DNAJC13: variants seen among roughly 807,000 people sequenced by gnomAD.
The protein encoded by DNAJC13 is DnaJ heat shock protein family (Hsp40) member C13, also known as dnaJ homolog subfamily C member 13.
DNAJC13 carries 75 observed loss-of-function variants against 290.5 expected under a neutral mutation model. The ratio of observed to expected loss-of-function variants is 0.26; its 90% CI spans 0.21 to 0.31. DNAJC13 has a LOEUF of 0.31. Ranked by LOEUF, DNAJC13 falls within the 10% of genes least tolerant of loss-of-function variation. The pLI is 1.00. For missense variants in DNAJC13, 2,260 were observed against 2,674.5 expected (o/e 0.85, Z 3.42); for synonymous variants, 862 against 892.0 (o/e 0.97, Z 0.60).
Position 132,484,622 on chromosome 3 carries a change from A to G in DNAJC13, c.3217A>G (p.Lys1073Glu), listed in dbSNP as rs534723073. The change falls in exon 29 of 56, where the codon AAA becomes GAA. Residue 1073 changes from lysine to glutamate, a missense_variant. Lys to Glu is a moderately conservative substitution (Grantham distance 56). Around this residue, in one of 3 missense-constraint regions of DNAJC13, gnomAD observed 1,494 missense variants for 1,693.7 expected, o/e 0.88. Transcript: ENST00000260818. ...CAATGCCATCATTCGGCCTCTACCC[A>G]AAGTGAAAAGACTGCTGTCAGATAG... ...QDNAIIRPLPKVKRLLSDSTC... is the reference protein window; with the variant it reads ...QDNAIIRPLPEVKRLLSDSTC... 8.1e-6 allele frequency: 13 copies of G among 1,614,060 alleles called. No individual in the cohort carries two copies. Among genetic ancestry groups the G allele is most frequent in the Non-Finnish European group, 1.1e-5 (13 of 1,180,012 alleles).
rs1483087876 is a variant in DNAJC13, at chr3:132,417,578, G to A, written c.-196G>A. On this transcript the variant is annotated 5_prime_UTR_variant, in exon 1 of 56. Transcript: ENST00000260818. ...CTCTGAGAGGCAGAGGGAGGAGGCGGAGGGGGCGGGGAGGCAGCGCCGCGG... is the reference window on the plus strand; with the variant it reads ...CTCTGAGAGGCAGAGGGAGGAGGCGAAGGGGGCGGGGAGGCAGCGCCGCGG... 6.6e-6 allele frequency: 1 copy of A among 152,250 alleles called. No homozygotes were observed. Among genetic ancestry groups the A allele is most frequent in the East Asian group, 1.9e-4 (1 of 5,182 alleles). The allele number at this position is 152,250 out of a possible 1,614,324, so 9.4% of individuals were successfully genotyped here.
intron 43 of DNAJC13, among the ~76,000 whole-genome samples, chr3:132,510,554 G>A (rs1367531213): frequency 6.6e-6 from 1 of 152,072 alleles, no homozygotes; most frequent in Non-Finnish European, 1.5e-5. Context: ...TTTGGTGGTT[G>A]ATTTGTTTGT....
At chr3:132,482,013 A>G (rs1368740983) in intron 26 of DNAJC13, among the ~76,000 whole-genome samples, 1 of 152,194 alleles carries the variant, frequency 6.6e-6, no homozygotes, top group African/African-American at 2.4e-5. Context: ...TTTACTTCAA[A>G]TGTATATTAA....
Position 132,466,078 on chromosome 3 carries a change from A to C in DNAJC13, c.1968+8A>C. The C allele has an allele frequency of 1.9e-6, 3 of 1,611,640 alleles. No individual in the cohort carries two copies. The highest frequency in any genetic ancestry group is 2.5e-6 in the Non-Finnish European group (3 of 1,177,796). ...TTGTTGAAACGCATTTTGGTAAGTCAGTTGAGAAATTAGGTTATATACTGC... is the reference window on the plus strand; with the variant it reads ...TTGTTGAAACGCATTTTGGTAAGTCCGTTGAGAAATTAGGTTATATACTGC... On this transcript the variant is annotated splice_region_variant and intron_variant, in intron 18 of 55. Coordinates refer to ENST00000260818, the MANE Select transcript of DNAJC13 (RefSeq NM_015268.4).
intron 53 of DNAJC13, among the ~76,000 whole-genome samples, chr3:132,526,929 A>G (rs1018907863): frequency 3.3e-5 from 5 of 152,232 alleles, no homozygotes; most frequent in African/African-American, 1.2e-4. Context: ...AGCAGAGAGT[A>G]GAATAGTGAT....
intron 55 of DNAJC13, among the ~76,000 whole-genome samples, chr3:132,533,439 G>A (rs927233539): frequency 2.0e-5 from 3 of 147,110 alleles, no homozygotes; most frequent in African/African-American, 5.1e-5. Flanking sequence ...GGGTTCAAAC[G>A]ATTCTCCTGC....
chr3:132,495,064 T>A (rs1935191682), intron 34 of DNAJC13, 24 bp from the exon 35 acceptor site: 1 of 1,588,848 alleles, frequency 6.3e-7, no homozygotes, highest in Admixed American at 1.7e-5. Flanking sequence ...ACTATACTCA[T>A]AAAACAATTT....
At chr3:132,472,717 C>T (rs1396106560) in intron 20 of DNAJC13, 1 of 535,872 alleles carries the variant, frequency 1.9e-6, no homozygotes, top group African/African-American at 2.1e-5. Flanking sequence ...TTAGCTATTT[C>T]AATTTGTACT....
chr3:132,502,518 G>T, intron 40 of DNAJC13, 50 bp downstream of exon 40: 1 of 1,472,464 alleles, frequency 6.8e-7, no homozygotes, highest in South Asian at 1.4e-5. Context: ...ACCTTAGGTT[G>T]GTGTTAAACT....
intron 51 of DNAJC13, among the ~76,000 whole-genome samples, chr3:132,524,438 C>T (rs762406706): frequency 1.3e-5 from 2 of 152,158 alleles, no homozygotes; most frequent in Non-Finnish European, 2.9e-5. Flanking sequence ...TTGGGCAGTA[C>T]CTCATGACTC....
At chr3:132,513,153 A>G (rs2107733874) in intron 45 of DNAJC13, 54 bp downstream of exon 45, 1 of 1,410,778 alleles carries the variant, frequency 7.1e-7, no homozygotes, top group Non-Finnish European at 1.0e-6. Flanking sequence ...TACCATGTGT[A>G]ATTTGAGTCT....
rs139260839 is a variant in DNAJC13, at chr3:132,531,778, C to T, written c.6625+681C>T. Among the ~76,000 whole-genome samples, 671 of 149,720 alleles carry T rather than the reference C, an allele frequency of 4.5e-3. 7 individuals carry two copies. Among genetic ancestry groups the T allele is most frequent in the African/African-American group, 0.015 (599 of 40,606 alleles). ...CGCCACTGCACTCCAGCCTGGGCGA[C>T]AGAGCAAGACTCTGCCTCAAAAAAA... On this transcript the variant is annotated intron_variant, in intron 55 of 55. Transcript: ENST00000260818.
intron 51 of DNAJC13, among the ~76,000 whole-genome samples, chr3:132,524,309 T>C (rs1204565382): frequency 6.6e-6 from 1 of 152,214 alleles, no homozygotes; most frequent in Non-Finnish European, 1.5e-5. Context: ...TTGTTGAGAT[T>C]GAAGACAGTT....
chr3:132,490,974 T>C lies in DNAJC13; in HGVS notation c.3546T>C (p.Asn1182=), dbSNP rs780691779. 6.2e-7 allele frequency: 1 copy of C among 1,612,942 alleles called. No individual in the cohort carries two copies. The highest frequency in any genetic ancestry group is 8.5e-7 in the Non-Finnish European group (1 of 1,179,482). The part of the protein sequence containing the change: ...LPEAMVCYLE[N]YEPEKFSEIF... The stretch of plus-strand genomic sequence containing the variant: ...AAGCAATGGTTTGTTACTTAGAAAA[T>C]TATGAACCTGAAAAGTTTTCTGAGA... The change falls in exon 32 of 56, where the codon AAT becomes AAC. Residue 1182 remains asparagine (N), a synonymous_variant. Coordinates refer to ENST00000260818, the MANE Select transcript of DNAJC13 (RefSeq NM_015268.4).
chr3:132,532,129 T>G (rs1410993928), intron 55 of DNAJC13, among the ~76,000 whole-genome samples: 2 of 152,184 alleles, frequency 1.3e-5, no homozygotes. Context: ...TGCCTGAAAT[T>G]GTAGTATATA....
chr3:132,537,545 C>T (rs1936634609), intron 55 of DNAJC13, among the ~76,000 whole-genome samples: 1 of 152,208 alleles, frequency 6.6e-6, no homozygotes, highest in South Asian at 2.1e-4. Flanking sequence ...GCATATATGG[C>T]ATTTTCATGC....
intron 17 of DNAJC13, among the ~76,000 whole-genome samples, chr3:132,464,383 C>A (rs1933907323): frequency 6.6e-6 from 1 of 152,036 alleles, no homozygotes; most frequent in Non-Finnish European, 1.5e-5. Flanking sequence ...CCTTTTTAAC[C>A]CTCTTTGTGG....
At chr3:132,463,662 C>T in intron 16 of DNAJC13, 34 bp from the exon 17 acceptor site, 2 of 1,580,638 alleles carry the variant, frequency 1.3e-6, no homozygotes, top group South Asian at 2.3e-5. Context: ...TCCTGGATTG[C>T]CACCTTAGGG....
chr3:132,438,990 G>T (rs900038805), intron 2 of DNAJC13, among the ~76,000 whole-genome samples: 7 of 152,216 alleles, frequency 4.6e-5, no homozygotes, highest in African/African-American at 1.7e-4. Flanking sequence ...AGATGTTTCA[G>T]TTAAAGCAGA....
Sources: gnomAD v4.1 joint callset for allele counts (sites outside exome capture counted in the v4.1 genomes callset) on GRCh38, gnomAD v4.1.1 for gene constraint, gnomAD v4.1.1 regional missense constraint, MANE v1.5 for transcripts, NCBI Gene and HGNC (gene_info 2026-07-23, HGNC 2026-07-21) for gene names.